Variants in TAFA4 observed in about 807,000 individuals in gnomAD.
The protein encoded by TAFA4 is TAFA chemokine like family member 4.
A neutral mutation model predicts 21.1 loss-of-function variants in TAFA4; 20 were observed. That is an observed-to-expected ratio of 0.95 (90% CI 0.67 to 1.38). The LOEUF (loss-of-function observed/expected upper bound fraction) is 1.38, where lower values mean the gene tolerates loss of function less well. TAFA4 is among the 40% of genes most tolerant of loss of function. The pLI is 0.00. For synonymous variants in TAFA4, 71 were observed against 67.4 expected, an observed-to-expected ratio of 1.05 and a Z score of -0.26; for missense variants, 211 against 180.9, an observed-to-expected ratio of 1.17 and a Z score of -0.95.
intron 3 of TAFA4, among the ~76,000 whole-genome samples, chr3:68,841,301 C>T (rs1159957768): frequency 3.0e-5 from 2 of 67,648 alleles, no homozygotes; most frequent in African/African-American, 5.0e-5. Flanking sequence ...CCAGCCTGGG[C>T]GACAGAGCGA....
chr3:68,766,695 T>A (rs929898093), intron 3 of TAFA4, among the ~76,000 whole-genome samples: 4 of 152,116 alleles, frequency 2.6e-5, no homozygotes, highest in Admixed American at 6.5e-5. Context: ...AGAGTAAAGA[T>A]ACCACCAAAG....
chr3:68,760,107 T>C (rs1196034465), intron 3 of TAFA4, among the ~76,000 whole-genome samples: 2 of 152,212 alleles, frequency 1.3e-5, no homozygotes, highest in African/African-American at 2.4e-5. Context: ...GGCTGTAACA[T>C]GTGAGATGCC....
intron 1 of TAFA4, among the ~76,000 whole-genome samples, chr3:68,908,559 C>G (rs1461916011): frequency 6.6e-6 from 1 of 150,400 alleles, no homozygotes; most frequent in Non-Finnish European, 1.5e-5. Flanking sequence ...GCCCAATTCA[C>G]AGAAAGTAAG....
At chr3:68,930,719 C>T (rs2090150881) in intron 1 of TAFA4, among the ~76,000 whole-genome samples, 1 of 152,208 alleles carries the variant, frequency 6.6e-6, no homozygotes, top group African/African-American at 2.4e-5. Context: ...TCTCACACTA[C>T]CTTATTAAGG....
chr3:68,848,852 C>G (rs569871841), intron 3 of TAFA4, among the ~76,000 whole-genome samples: 2 of 152,224 alleles, frequency 1.3e-5, no homozygotes, highest in South Asian at 4.2e-4. Context: ...AAGTGACAGG[C>G]TGTCTCCTTT....
chr3:68,777,079 T>C (rs114928777), intron 3 of TAFA4, among the ~76,000 whole-genome samples: 250 of 152,220 alleles, frequency 1.6e-3, no homozygotes, highest in African/African-American at 5.9e-3. Context: ...AATATGACAC[T>C]GCATAGACAT....
At chr3:68,914,169 A>G (rs73835366) in intron 1 of TAFA4, among the ~76,000 whole-genome samples, 6,113 of 152,300 alleles carry the variant, frequency 0.04, 417 homozygotes, top group African/African-American at 0.14. Context: ...TATTCTTACA[A>G]CGAAATACTA....
chr3:68,758,993 C>T (rs1702711078), intron 3 of TAFA4, among the ~76,000 whole-genome samples: 1 of 152,190 alleles, frequency 6.6e-6, no homozygotes, highest in Non-Finnish European at 1.5e-5. Flanking sequence ...AGCCATTTGT[C>T]TAGTTTCAGT....
At chr3:68,858,407 G>C (rs1705119929) in intron 3 of TAFA4, among the ~76,000 whole-genome samples, 1 of 152,064 alleles carries the variant, frequency 6.6e-6, no homozygotes, top group Admixed American at 6.6e-5. Flanking sequence ...CTATTTTAAT[G>C]AATGTCTATG....
At chr3:68,827,550 G>C (rs1386174321) in intron 3 of TAFA4, among the ~76,000 whole-genome samples, 1 of 152,128 alleles carries the variant, frequency 6.6e-6, no homozygotes, top group Non-Finnish European at 1.5e-5. Flanking sequence ...AGCATCTGTT[G>C]TTTCCTGACT....
intron 3 of TAFA4, among the ~76,000 whole-genome samples, chr3:68,861,607 T>G (rs1010125321): frequency 2.0e-5 from 3 of 152,072 alleles, no homozygotes; most frequent in Non-Finnish European, 4.4e-5. Flanking sequence ...AGGTGCTGCC[T>G]GTGCCAGAGG....
In TAFA4 at chr3:68,739,002, A is replaced by G. The variant is rs1322430668; in HGVS notation, c.411+73T>C. ...CACATAATAATGTGTTCTTGATGGC[A>G]GAATAAAATCAAGGGGAGAAAGCCC... On this transcript the variant is annotated intron_variant, in intron 5 of 5. Coordinates refer to ENST00000295569, the MANE Select transcript of TAFA4 (RefSeq NM_182522.5). 1.9e-6 allele frequency: 3 copies of G among 1,584,774 alleles called. No individual in the cohort carries two copies. The African/African-American group carries it at 4.1e-5, about 21-fold the overall frequency.
intron 3 of TAFA4, among the ~76,000 whole-genome samples, chr3:68,861,043 C>T (rs1195976885): frequency 1.4e-5 from 2 of 139,322 alleles, no homozygotes; most frequent in Non-Finnish European, 3.1e-5. Flanking sequence ...CCCCCCCCGC[C>T]CCCACGACTC....
chr3:68,892,029 A>C (rs370870942), intron 1 of TAFA4, among the ~76,000 whole-genome samples: 23 of 152,198 alleles, frequency 1.5e-4, no homozygotes, highest in African/African-American at 5.3e-4. Flanking sequence ...TGCTGATGAA[A>C]GTAAATGTGC....
At chr3:68,842,250 G>A (rs1465043621) in intron 3 of TAFA4, among the ~76,000 whole-genome samples, 2 of 152,188 alleles carry the variant, frequency 1.3e-5, no homozygotes, top group African/African-American at 4.8e-5. Context: ...TAACTGGTAG[G>A]AGATGGTACC....
chr3:68,874,372 C>G (rs919488312), intron 3 of TAFA4, among the ~76,000 whole-genome samples: 2 of 152,076 alleles, frequency 1.3e-5, no homozygotes, highest in African/African-American at 2.4e-5. Context: ...CAAGCAACAC[C>G]TAGGAAAATA....
chr3:68,875,446 C>T (rs1302956657), intron 3 of TAFA4, among the ~76,000 whole-genome samples: 4 of 152,102 alleles, frequency 2.6e-5, no homozygotes, highest in African/African-American at 9.7e-5. Context: ...TTTTCCATTG[C>T]TACCAAAACA....
At chr3:68,786,005 A>G (rs769684090) in intron 3 of TAFA4, among the ~76,000 whole-genome samples, 1 of 152,200 alleles carries the variant, frequency 6.6e-6, no homozygotes, top group Non-Finnish European at 1.5e-5. Context: ...ACTGGCAACA[A>G]CCCATATGTC....
chr3:68,882,133 T>C (rs1235788593), intron 2 of TAFA4, among the ~76,000 whole-genome samples: 2 of 152,242 alleles, frequency 1.3e-5, no homozygotes, highest in Non-Finnish European at 2.9e-5. Context: ...CTGGCTTCTT[T>C]TTGCCCTTTT....
Sources: gnomAD v4.1 joint callset for allele counts (sites outside exome capture counted in the v4.1 genomes callset) on GRCh38, gnomAD v4.1.1 for gene constraint, MANE v1.5 for transcripts, NCBI Gene and HGNC (gene_info 2026-07-23, HGNC 2026-07-21) for gene names.